GRM8: variants seen among roughly 807,000 people sequenced by gnomAD.
The protein encoded by GRM8 is glutamate metabotropic receptor 8.
A neutral mutation model predicts 87.2 loss-of-function variants in GRM8; 47 were observed. The observed-to-expected ratio is 0.54, with a 90% confidence interval of 0.43 to 0.69. The LOEUF (loss-of-function observed/expected upper bound fraction) is 0.69, where lower values mean the gene tolerates loss of function less well. Among genes scored for constraint, GRM8 ranks in the 30% least tolerant of loss-of-function variants. The probability of loss-of-function intolerance (pLI) is 0.00; values close to 1 mark genes in which losing one functional copy is unlikely to be tolerated. For synonymous variants in GRM8, 396 were observed against 404.5 expected (o/e 0.98, Z 0.25); for missense variants, 1,019 against 1,139.2 (o/e 0.89, Z 1.52).
chr7:126,547,016 G>C (rs896944484), intron 8 of GRM8, among the ~76,000 whole-genome samples: 1 of 152,064 alleles, frequency 6.6e-6, no homozygotes, highest in African/African-American at 2.4e-5. Flanking sequence ...TTCCCACCTA[G>C]GTCATGGAAT....
chr7:126,539,264 A>C (rs1816249385), intron 8 of GRM8, among the ~76,000 whole-genome samples: 1 of 151,946 alleles, frequency 6.6e-6, no homozygotes, highest in Non-Finnish European at 1.5e-5. Context: ...AAACTACAAA[A>C]CATCATTGAA....
chr7:126,468,468 C>T (rs1201471910), intron 9 of GRM8, among the ~76,000 whole-genome samples: 1 of 151,992 alleles, frequency 6.6e-6, no homozygotes, highest in African/African-American at 2.4e-5. Flanking sequence ...TGAGCTCTGA[C>T]CACTACCCTA....
chr7:126,737,100 G>A (rs1045502854), intron 7 of GRM8, among the ~76,000 whole-genome samples: 1 of 152,056 alleles, frequency 6.6e-6, no homozygotes, highest in African/African-American at 2.4e-5. Context: ...TTAGCCACAA[G>A]ATTAGAAATT....
At chr7:126,904,449 G>A in intron 4 of GRM8, 99 bp downstream of exon 4, 1 of 1,152,570 alleles carries the variant, frequency 8.7e-7, no homozygotes, top group Non-Finnish European at 1.3e-6. Context: ...TCTGTTATTG[G>A]AAGGCAATTA....
chr7:126,620,698 A>G (rs923604112), intron 7 of GRM8, among the ~76,000 whole-genome samples: 3 of 152,338 alleles, frequency 2.0e-5, no homozygotes, highest in African/African-American at 7.2e-5. Context: ...AAACTGTTGC[A>G]TGAGATGACA....
intron 3 of GRM8, among the ~76,000 whole-genome samples, chr7:126,975,762 AAC>A (rs1563371809): frequency 6.6e-6 from 1 of 152,232 alleles, no homozygotes; most frequent in Non-Finnish European, 1.5e-5. Context: ...AGTTAATTAT[AAC>A]AAGAAAATAA....
chr7:126,514,044 A>C lies in GRM8; in HGVS notation c.2430+18908T>G, dbSNP rs1047907114. 3.3e-5 allele frequency among the ~76,000 whole-genome samples: 5 copies of C among 152,144 alleles called. No homozygotes were observed. In the East Asian group the frequency reaches 9.7e-4, roughly 29 times the overall value. On this transcript the variant is annotated intron_variant, in intron 9 of 10. Coordinates refer to ENST00000339582, the MANE Select transcript of GRM8 (RefSeq NM_000845.3). ...AATCATGCATTTGTTCATTTCTTCA[A>C]ATAAAATGTCCTGCTTACCTATTAT...
chr7:126,806,089 T>C (rs1792659111), intron 6 of GRM8, among the ~76,000 whole-genome samples: 1 of 152,138 alleles, frequency 6.6e-6, no homozygotes, highest in Non-Finnish European at 1.5e-5. Flanking sequence ...AAGAACGAAG[T>C]CGCAGACCCT....
intron 3 of GRM8, among the ~76,000 whole-genome samples, chr7:126,936,423 A>C (rs1192108714): frequency 6.6e-6 from 1 of 152,022 alleles, no homozygotes; most frequent in Non-Finnish European, 1.5e-5. Context: ...CGTCAATAGG[A>C]TTGTGTTACA....
intron 3 of GRM8, among the ~76,000 whole-genome samples, chr7:126,939,499 G>A (rs1486532368): frequency 6.6e-6 from 1 of 152,170 alleles, no homozygotes; most frequent in Non-Finnish European, 1.5e-5. Context: ...CAAGCACCTG[G>A]TTACTACTAT....
At chr7:126,641,860 T>A (rs1802426011) in intron 7 of GRM8, among the ~76,000 whole-genome samples, 1 of 152,030 alleles carries the variant, frequency 6.6e-6, no homozygotes, top group South Asian at 2.1e-4. Flanking sequence ...AAAGCACATG[T>A]CTCTTGTGGC....
chr7:126,691,834 A>G (rs1808847251), intron 7 of GRM8, among the ~76,000 whole-genome samples: 1 of 152,092 alleles, frequency 6.6e-6, no homozygotes, highest in South Asian at 2.1e-4. Flanking sequence ...CCTAAAATAC[A>G]CCTGACAGAT....
chr7:126,635,897 T>C (rs185913094), intron 7 of GRM8, among the ~76,000 whole-genome samples: 103 of 152,240 alleles, frequency 6.8e-4, no homozygotes, highest in African/African-American at 2.4e-3. Context: ...ATTTCCTAAA[T>C]ACACACAAGC....
chr7:126,995,695 A>T (rs764850357), intron 3 of GRM8, among the ~76,000 whole-genome samples: 2 of 152,148 alleles, frequency 1.3e-5, no homozygotes, highest in Admixed American at 6.6e-5. Flanking sequence ...ATAAAAAATA[A>T]TAAAGTAAGC....
Position 126,533,593 on chromosome 7 carries a change from C to T in GRM8, c.1789G>A (p.Ala597Thr), listed in dbSNP as rs140162343. The change falls in exon 9 of 11, where the codon GCC becomes ACC. Residue 597 changes from alanine (A) to threonine (T), a missense_variant. Physicochemically the swap from Ala to Thr is moderately conservative, Grantham distance 58. Coordinates refer to ENST00000339582, the MANE Select transcript of GRM8 (RefSeq NM_000845.3). ...AAGGTCACGATCACAAAGGTGGTGG[C>T]GATGATTCCCAATATTGCAACAAAC... ...PVFVAILGIIATTFVIVTFVR... is the reference protein window; with the variant it reads ...PVFVAILGIITTTFVIVTFVR... 1.2e-5 allele frequency: 19 copies of T among 1,613,868 alleles called. No individual in the cohort carries two copies. Among genetic ancestry groups the T allele is most frequent in the African/African-American group, 6.7e-5 (5 of 74,862 alleles).
At chr7:127,212,778 T>C (rs763583621) in intron 2 of GRM8, among the ~76,000 whole-genome samples, 13 of 152,206 alleles carry the variant, frequency 8.5e-5, no homozygotes, top group Non-Finnish European at 1.6e-4. Context: ...TTGTATTCAT[T>C]GTTAAGTTTT....
At chr7:127,010,564 C>T (rs1380827912) in intron 3 of GRM8, among the ~76,000 whole-genome samples, 1 of 152,022 alleles carries the variant, frequency 6.6e-6, no homozygotes, top group East Asian at 1.9e-4. Flanking sequence ...AATCCTTTTC[C>T]CAGTATTTGC....
chr7:126,764,006 C>T (rs549018386), intron 7 of GRM8, among the ~76,000 whole-genome samples: 2 of 151,938 alleles, frequency 1.3e-5, no homozygotes, highest in African/African-American at 4.8e-5. Flanking sequence ...AAAAGCGTTC[C>T]AGTTCCCATG....
At chr7:126,985,552 T>C (rs1285882687) in intron 3 of GRM8, among the ~76,000 whole-genome samples, 2 of 152,206 alleles carry the variant, frequency 1.3e-5, no homozygotes, top group Non-Finnish European at 2.9e-5. Context: ...TGGAAAATAA[T>C]TTATTTCTTA....
Sources: gnomAD v4.1 joint callset for allele counts (sites outside exome capture counted in the v4.1 genomes callset) on GRCh38, gnomAD v4.1.1 for gene constraint, MANE v1.5 for transcripts, NCBI Gene and HGNC (gene_info 2026-07-23, HGNC 2026-07-21) for gene names.